The following NEBL variants were observed in gnomAD, a reference collection of about 807,000 sequenced individuals.
The protein encoded by NEBL is nebulette.
Under a neutral mutation model 140.2 loss-of-function variants are expected in NEBL, and 122 were observed. That is an observed-to-expected ratio of 0.87 (90% CI 0.75 to 1.01). The LOEUF (loss-of-function observed/expected upper bound fraction) is 1.01. NEBL is among the 50% of genes least tolerant of loss of function. The pLI, the probability that NEBL is intolerant of heterozygous loss-of-function variation, is 0.00. For missense variants in NEBL, 1,365 were observed against 1,231.3 expected, an observed-to-expected ratio of 1.11 and a Z score of -1.62; for synonymous variants, 436 against 398.9, an observed-to-expected ratio of 1.09 and a Z score of -1.11.
At chr10:20,916,093 A>T (rs561630118) in intron 4 of NEBL, among the ~76,000 whole-genome samples, 1 of 152,342 alleles carries the variant, frequency 6.6e-6, no homozygotes, top group South Asian at 2.1e-4. Flanking sequence ...GATGAGAAGT[A>T]AAACACAATG....
At chr10:20,886,061 T>C (rs2131348463) in intron 4 of NEBL, among the ~76,000 whole-genome samples, 1 of 152,338 alleles carries the variant, frequency 6.6e-6, no homozygotes, top group East Asian at 1.9e-4. Context: ...AAATAGCTAA[T>C]GCATGCTGGG....
At chr10:21,034,433 C>A (rs1202306325) in intron 2 of NEBL, among the ~76,000 whole-genome samples, 3 of 152,188 alleles carry the variant, frequency 2.0e-5, no homozygotes, top group Admixed American at 6.5e-5. Context: ...TCAGCAGAGT[C>A]CAGAAAAGAT....
In NEBL at chr10:21,093,150, C is replaced by CTTTTTTTTTTTTTTTTTT. The variant is rs4025884; in HGVS notation, c.165-72950_165-72949insAAAAAAAAAAAAAAAAAA. 1.8e-4 allele frequency among the ~76,000 whole-genome samples: 17 copies of CTTTTTTTTTTTTTTTTTT among 95,030 alleles called. 1 individual carries two copies. Among genetic ancestry groups the CTTTTTTTTTTTTTTTTTT allele is most frequent in the African/African-American group, 3.0e-4 (7 of 23,312 alleles). The allele number at this position is 95,030 out of a possible 152,430, so 62.3% of individuals were successfully genotyped here. A position where few individuals can be genotyped will look rare whatever the true frequency, so the allele number is the denominator to read the frequency against. On this transcript the variant is annotated intron_variant, in intron 2 of 6. Coordinates refer to the NEBL transcript ENST00000417816. ...TACTTTTATTCATTTAGCAACAAGT[C>CTTTTTTTTTTTTTTTTTT]TTTTTTTTTTTTTTTCCATTTTAGC...
intron 2 of NEBL, among the ~76,000 whole-genome samples, chr10:21,147,393 C>A (rs1839942514): frequency 6.7e-6 from 1 of 149,200 alleles, no homozygotes; most frequent in Non-Finnish European, 1.5e-5. Flanking sequence ...TGTTTCTCCT[C>A]CGGTTTTTTT....
At chr10:20,796,375 A>AC (rs1836535520) in intron 26 of NEBL, among the ~76,000 whole-genome samples, 1 of 141,050 alleles carries the variant, frequency 7.1e-6, no homozygotes, top group East Asian at 2.6e-4. Flanking sequence ...AAGAAAAAAA[A>AC]AAAAAAAAAA....
At chr10:21,282,474 C>T (rs978561832) in intron 1 of NEBL, among the ~76,000 whole-genome samples, 2 of 151,966 alleles carry the variant, frequency 1.3e-5, no homozygotes, top group African/African-American at 4.8e-5. Context: ...CGAAGTCATA[C>T]CTTTGCCACC....
chr10:20,820,503 C>A (rs761344852), intron 19 of NEBL, among the ~76,000 whole-genome samples: 5 of 152,152 alleles, frequency 3.3e-5, no homozygotes, highest in Non-Finnish European at 7.4e-5. Context: ...TACAAGAAAT[C>A]CCCACAAGAC....
chr10:21,015,328 C>T (rs1376921232), intron 3 of NEBL, among the ~76,000 whole-genome samples: 1 of 152,134 alleles, frequency 6.6e-6, no homozygotes, highest in African/African-American at 2.4e-5. Flanking sequence ...GGGGCTCCCA[C>T]TCAAAATGTC....
At chr10:21,226,961 T>C (rs959216922) in intron 3 of NEBL, among the ~76,000 whole-genome samples, 1 of 152,192 alleles carries the variant, frequency 6.6e-6, no homozygotes, top group Admixed American at 6.5e-5. Context: ...TCCCCACTAC[T>C]ATTTTTTTTT....
chr10:20,992,114 A>G (rs1837479618), intron 3 of NEBL, among the ~76,000 whole-genome samples: 1 of 152,230 alleles, frequency 6.6e-6, no homozygotes, highest in Admixed American at 6.5e-5. Flanking sequence ...GCTAATCCTT[A>G]TGTTTTTAAA....
intron 3 of NEBL, among the ~76,000 whole-genome samples, chr10:21,210,707 T>G (rs181816410): frequency 1.3e-5 from 2 of 152,362 alleles, no homozygotes. Flanking sequence ...TCTGGAGTCA[T>G]GCACTAAAGT....
intron 4 of NEBL, among the ~76,000 whole-genome samples, chr10:20,950,164 A>G (rs1046019150): frequency 6.6e-5 from 10 of 152,224 alleles, no homozygotes; most frequent in African/African-American, 2.4e-4. Context: ...TACAAGCCGC[A>G]GGGCATCGGG....
chr10:20,833,774 A>G (rs558586377), intron 14 of NEBL, among the ~76,000 whole-genome samples: 1 of 152,264 alleles, frequency 6.6e-6, no homozygotes, highest in East Asian at 1.9e-4. Flanking sequence ...AAAAAAAGAA[A>G]AAAAGAATGT....
intron 4 of NEBL, among the ~76,000 whole-genome samples, chr10:20,931,813 G>A (rs1476114641): frequency 1.3e-5 from 2 of 152,120 alleles, no homozygotes; most frequent in African/African-American, 4.8e-5. Flanking sequence ...CATCTGGAAG[G>A]AGGTAAAGAA....
chr10:21,247,181 A>G (rs929811710), intron 3 of NEBL, among the ~76,000 whole-genome samples: 1 of 152,162 alleles, frequency 6.6e-6, no homozygotes, highest in Non-Finnish European at 1.5e-5. Flanking sequence ...CTGTAAGTCA[A>G]TTAAACCTCT....
At chr10:21,236,345 ATTTTTT>A (rs147170707) in intron 3 of NEBL, among the ~76,000 whole-genome samples, 2 of 125,358 alleles carry the variant, frequency 1.6e-5, no homozygotes, top group Non-Finnish European at 1.6e-5. Flanking sequence ...CCTTTTTTTA[ATTTTTT>A]TTTTTTTTTT....
At chr10:21,018,971 G>A (rs1838670567) in intron 3 of NEBL, among the ~76,000 whole-genome samples, 1 of 152,206 alleles carries the variant, frequency 6.6e-6, no homozygotes, top group African/African-American at 2.4e-5. Context: ...AGGTTGCAGT[G>A]AGCCGAGACG....
At chr10:21,211,860 T>A (rs917018431) in intron 3 of NEBL, among the ~76,000 whole-genome samples, 2 of 152,154 alleles carry the variant, frequency 1.3e-5, no homozygotes, top group Non-Finnish European at 2.9e-5. Context: ...CAATGGTAAT[T>A]GGAGAAGCAC....
chr10:21,029,360 T>A lies in NEBL; in HGVS notation c.165-9159A>T. On this transcript the variant is annotated intron_variant, in intron 2 of 6. Transcript: ENST00000417816. ...AAGGAATTCTTTAGAGGATTAATTATCAGTGCAGTGCGTTTACCACGTGAA... is the reference window on the plus strand; with the variant it reads ...AAGGAATTCTTTAGAGGATTAATTAACAGTGCAGTGCGTTTACCACGTGAA... 11 of 1,611,678 alleles carry A rather than the reference T, an allele frequency of 6.8e-6. No individual in the cohort carries two copies. In the South Asian group the frequency reaches 1.1e-4, roughly 16 times the overall value.
Sources: allele counts gnomAD v4.1 joint callset (sites outside exome capture counted in the v4.1 genomes callset), GRCh38; gene constraint gnomAD v4.1.1; transcripts MANE v1.5; gene names NCBI Gene and HGNC (gene_info 2026-07-23, HGNC 2026-07-21).